The following DNAH8 variants were observed in gnomAD, a reference collection of about 807,000 sequenced individuals.
The protein encoded by DNAH8 is dynein axonemal heavy chain 8, also known as axonemal beta dynein heavy chain 8.
DNAH8 carries 382 observed loss-of-function variants against 562.1 expected under a neutral mutation model. That is an observed-to-expected ratio of 0.68 (90% CI 0.63 to 0.74). DNAH8 has a LOEUF of 0.74. Ranked by LOEUF, DNAH8 falls within the 30% of genes least tolerant of loss-of-function variation. The probability of loss-of-function intolerance (pLI) is 0.00; values close to 1 mark genes in which losing one functional copy is unlikely to be tolerated. For missense variants in DNAH8, 5,203 were observed against 5,620.4 expected (o/e 0.93, Z 2.37); for synonymous variants, 1,881 against 1,919.4 (o/e 0.98, Z 0.52).
At chr6:38,791,321 G>T (rs1382341634) in intron 20 of DNAH8, among the ~76,000 whole-genome samples, 1 of 152,196 alleles carries the variant, frequency 6.6e-6, no homozygotes, top group Non-Finnish European at 1.5e-5. Flanking sequence ...AGGATTAAAG[G>T]AGATAACACA....
At chr6:38,858,424 G>A (rs945469290) in intron 42 of DNAH8, among the ~76,000 whole-genome samples, 4 of 152,166 alleles carry the variant, frequency 2.6e-5, no homozygotes, top group Admixed American at 6.5e-5. Flanking sequence ...TGCCTGTTTT[G>A]AAGTTTTACC....
chr6:38,950,852 G>T (rs1304320590), intron 81 of DNAH8, among the ~76,000 whole-genome samples: 1 of 152,014 alleles, frequency 6.6e-6, no homozygotes, highest in African/African-American at 2.4e-5. Flanking sequence ...AAAAGTCTGT[G>T]GGGCTTGTCT....
chr6:38,833,521 C>A (rs1430164548), intron 31 of DNAH8, among the ~76,000 whole-genome samples: 3 of 152,130 alleles, frequency 2.0e-5, no homozygotes, highest in African/African-American at 7.2e-5. Flanking sequence ...CCACAATTTG[C>A]AGACATAAGC....
intron 58 of DNAH8, among the ~76,000 whole-genome samples, chr6:38,893,591 G>A (rs1779484235): frequency 6.6e-6 from 1 of 152,098 alleles, no homozygotes; most frequent in Non-Finnish European, 1.5e-5. Flanking sequence ...CATTTTAGTG[G>A]GTAGGATGAA....
chr6:38,828,869 C>T (rs1401824495), intron 30 of DNAH8, among the ~76,000 whole-genome samples: 2 of 152,180 alleles, frequency 1.3e-5, no homozygotes, highest in Non-Finnish European at 2.9e-5. Flanking sequence ...AACCCCGTGC[C>T]CATTAGCAAT....
At chr6:38,960,119 G>A (rs1762512838) in intron 82 of DNAH8, among the ~76,000 whole-genome samples, 1 of 151,908 alleles carries the variant, frequency 6.6e-6, no homozygotes, top group Non-Finnish European at 1.5e-5. Flanking sequence ...TCAAATCAAA[G>A]TGGATTAAAG....
chr6:38,779,116 G>A (rs1738256), intron 14 of DNAH8, among the ~76,000 whole-genome samples: 15,106 of 152,092 alleles, frequency 0.099, 1,377 homozygotes, highest in East Asian at 0.44. Context: ...GGGCTGAGCG[G>A]GACTAGAAGC....
chr6:38,722,942 G>A lies in DNAH8; in HGVS notation c.133G>A (p.Asp45Asn). ...RPPTVEAPAEDGFSPSAEDAV... is the reference protein window; with the variant it reads ...RPPTVEAPAENGFSPSAEDAV... ...TCCGACAGTGGAGGCCCCGGCAGAAGATGGTTTCTCTCCTTCCGCAGAAGA... is the reference window on the plus strand; with the variant it reads ...TCCGACAGTGGAGGCCCCGGCAGAAAATGGTTTCTCTCCTTCCGCAGAAGA... Residue 45 changes from aspartate (D) to asparagine (N), a missense_variant, in exon 2 of 93, where the codon GAT (aspartate) becomes AAT (asparagine). Transcript: ENST00000327475. The A allele has an allele frequency of 2.5e-6, 4 of 1,612,690 alleles. No individual in the cohort carries two copies. The highest frequency in any genetic ancestry group is 3.4e-6 in the Non-Finnish European group (4 of 1,179,726).
intron 88 of DNAH8, among the ~76,000 whole-genome samples, chr6:38,994,692 G>C (rs1303408354): frequency 1.3e-5 from 2 of 148,312 alleles, no homozygotes; most frequent in Non-Finnish European, 3.0e-5. Flanking sequence ...CTGTTGCCCA[G>C]GCTGGAGTGC....
At chr6:38,844,734 T>G (rs1775142817) in intron 35 of DNAH8, among the ~76,000 whole-genome samples, 1 of 152,156 alleles carries the variant, frequency 6.6e-6, no homozygotes, top group African/African-American at 2.4e-5. Flanking sequence ...TTAGCCAAAT[T>G]AGATTCCTGC....
intron 91 of DNAH8, among the ~76,000 whole-genome samples, chr6:39,024,477 A>G (rs568091313): frequency 1.1e-4 from 17 of 152,160 alleles, no homozygotes; most frequent in Middle Eastern, 3.2e-3. Context: ...CATATATACC[A>G]TTGACTGGAA....
chr6:38,815,204 A>G (rs1291573798), intron 25 of DNAH8, among the ~76,000 whole-genome samples: 2 of 152,216 alleles, frequency 1.3e-5, no homozygotes, highest in Non-Finnish European at 2.9e-5. Context: ...AACAAAATCA[A>G]AATGTCATTT....
intron 53 of DNAH8, among the ~76,000 whole-genome samples, chr6:38,881,902 CT>C (rs1219211126): frequency 6.6e-6 from 1 of 152,036 alleles, no homozygotes; most frequent in Non-Finnish European, 1.5e-5. Context: ...ACGGTTGACT[CT>C]TTTTTTGGTC....
intron 76 of DNAH8, among the ~76,000 whole-genome samples, chr6:38,932,217 C>CACACACACACACACACA (rs1554138852): frequency 1.6e-5 from 2 of 122,576 alleles, no homozygotes; most frequent in South Asian, 2.3e-4. Context: ...CACACACACA[C>CACACACACACACACACA]CCGTCTCTTT....
rs781634544 is a variant in DNAH8 at position 38,857,517 on chromosome 6, G to T, written c.5734-1G>T. On this transcript the variant is annotated splice_acceptor_variant, in intron 41 of 92. Coordinates refer to ENST00000327475, the MANE Select transcript of DNAH8 (RefSeq NM_001206927.2). LOFTEE classifies it high-confidence loss of function. The stretch of plus-strand genomic sequence containing the variant: ...TTAATATTTTTCTGCTGGATCTGTA[G>T]GTTGGACTTCTGGGAATTCAGATGT... 11 of 1,603,032 alleles carry T rather than the reference G, an allele frequency of 6.9e-6. No individual in the cohort carries two copies. The South Asian group carries it at 1.2e-4, about 18-fold the overall frequency.
intron 43 of DNAH8, among the ~76,000 whole-genome samples, chr6:38,861,695 C>A (rs891575369): frequency 3.9e-5 from 6 of 152,144 alleles, no homozygotes; most frequent in Non-Finnish European, 5.9e-5. Context: ...CCACGCCTGG[C>A]TAATTTTTGT....
chr6:38,917,935 C>T lies in DNAH8; in HGVS notation c.10319C>T (p.Ala3440Val), dbSNP rs1402081920. 6.2e-7 allele frequency: 1 copy of T among 1,611,982 alleles called. No homozygotes were observed. The highest frequency in any genetic ancestry group is 1.1e-5 in the South Asian group (1 of 90,826). ...SWGESLKLMS[A>V]TGFLWSLQQF... ...AATACTATTTTTCAGTTGATGAGTG[C>T]AACAGGATTCCTGTGGAGCCTTCAG... Residue 3440 changes from alanine to valine, a missense_variant, in exon 70 of 93, where the codon GCA becomes GTA. This residue lies in a region of DNAH8 where 87 missense variants were observed against 144.9 expected (regional missense o/e 0.60). Coordinates refer to ENST00000327475, the MANE Select transcript of DNAH8 (RefSeq NM_001206927.2).
chr6:38,982,664 T>G (rs1764116004), intron 86 of DNAH8, among the ~76,000 whole-genome samples: 1 of 152,120 alleles, frequency 6.6e-6, no homozygotes, highest in Non-Finnish European at 1.5e-5. Flanking sequence ...GCTAACTAAC[T>G]CAGTGTGTTG....
At chr6:38,984,470 G>GCACACACACA in intron 87 of DNAH8, 163 bp downstream of exon 87, 3 of 506,396 alleles carry the variant, frequency 5.9e-6, no homozygotes, top group South Asian at 4.6e-5. Flanking sequence ...GCACACACAT[G>GCACACACACA]CACACACACA....
Sources: allele counts gnomAD v4.1 joint callset (sites outside exome capture counted in the v4.1 genomes callset), GRCh38; gene constraint gnomAD v4.1.1; regional missense constraint gnomAD v4.1.1; transcripts MANE v1.5; gene names NCBI Gene and HGNC (gene_info 2026-07-23, HGNC 2026-07-21).